The following ROBO1 variants were observed in gnomAD, a reference collection of about 807,000 sequenced individuals.
ROBO1 encodes roundabout homolog 1.
Under a neutral mutation model 195.9 loss-of-function variants are expected in ROBO1, and 149 were observed. That is an observed-to-expected ratio of 0.76 (90% CI 0.67 to 0.87). The LOEUF (loss-of-function observed/expected upper bound fraction) is 0.87. Ranked by LOEUF, ROBO1 falls within the 40% of genes least tolerant of loss-of-function variation. The pLI, the probability that ROBO1 is intolerant of heterozygous loss-of-function variation, is 0.00. For missense variants in ROBO1, 1,933 were observed against 2,068.3 expected (o/e 0.93, Z 1.27); for synonymous variants, 816 against 733.2 (o/e 1.11, Z -1.82).
At chr3:78,994,350 G>A (rs1406906903) in intron 3 of ROBO1, among the ~76,000 whole-genome samples, 2 of 152,100 alleles carry the variant, frequency 1.3e-5, no homozygotes, top group Non-Finnish European at 2.9e-5. Context: ...GGAAGCTGGA[G>A]CTATTAAAAA....
chr3:79,765,216 G>C (rs1166896847), intron 1 of ROBO1, among the ~76,000 whole-genome samples: 1 of 152,192 alleles, frequency 6.6e-6, no homozygotes, highest in Non-Finnish European at 1.5e-5. Flanking sequence ...AGATATGTGC[G>C]AAAAGGCTAA....
intron 2 of ROBO1, among the ~76,000 whole-genome samples, chr3:79,440,947 C>A (rs1217345569): frequency 6.6e-6 from 1 of 152,038 alleles, no homozygotes; most frequent in Non-Finnish European, 1.5e-5. Context: ...AGATGAATGA[C>A]CCAGTTTGCA....
rs1448707560 is a variant in ROBO1, at chr3:78,635,774, T to G, written c.3372A>C (p.Lys1124Asn). The change falls in exon 23 of 31, where the codon AAA becomes AAC. Residue 1124 changes from lysine to asparagine, a missense_variant and splice_region_variant. Coordinates refer to ENST00000464233, the MANE Select transcript of ROBO1 (RefSeq NM_002941.4). Reference sequence around the variant, plus strand: ...GGGAATACATGCAAGCCTCTTCACCTTTGTTCAGCTTGTTTTGCTCCACGA... The same window carrying G: ...GGGAATACATGCAAGCCTCTTCACCGTTGTTCAGCTTGTTTTGCTCCACGA... ...YNIVEQNKLN[K>N]DYRANDTVPP... is the part of the protein sequence containing the mutation. The G allele has an allele frequency of 6.2e-7, 1 of 1,613,052 alleles. No homozygotes were observed. Among genetic ancestry groups the G allele is most frequent in the Non-Finnish European group, 8.5e-7 (1 of 1,179,180 alleles).
At chr3:78,611,368 G>A (rs961242721) in intron 28 of ROBO1, among the ~76,000 whole-genome samples, 1 of 152,158 alleles carries the variant, frequency 6.6e-6, no homozygotes, top group East Asian at 1.9e-4. Context: ...GAAGAGAGAG[G>A]ATGGAAAGAA....
intron 2 of ROBO1, among the ~76,000 whole-genome samples, chr3:79,381,373 A>AGAAAAGAAAAG (rs1221999594): frequency 6.9e-5 from 8 of 115,446 alleles, no homozygotes; most frequent in African/African-American, 2.7e-4. Flanking sequence ...AAAAAAAAAA[A>AGAAAAGAAAAG]AAAAGAAAAG....
At chr3:79,719,994 C>T (rs1372170654) in intron 1 of ROBO1, among the ~76,000 whole-genome samples, 1 of 152,118 alleles carries the variant, frequency 6.6e-6, no homozygotes, top group Non-Finnish European at 1.5e-5. Flanking sequence ...CAAATGTGTA[C>T]TATAAAAATA....
At chr3:79,242,440 G>A (rs1450222514) in intron 2 of ROBO1, among the ~76,000 whole-genome samples, 2 of 151,998 alleles carry the variant, frequency 1.3e-5, no homozygotes, top group Admixed American at 1.3e-4. Flanking sequence ...GAAGCCATAG[G>A]GGCACAAGGA....
At chr3:78,995,813 T>C (rs1476956942) in intron 3 of ROBO1, among the ~76,000 whole-genome samples, 1 of 149,488 alleles carries the variant, frequency 6.7e-6, no homozygotes, top group Non-Finnish European at 1.5e-5. Context: ...TAAAAAAAAG[T>C]CCTTACTAGG....
intron 4 of ROBO1, among the ~76,000 whole-genome samples, chr3:78,849,227 C>T (rs978118690): frequency 1.3e-5 from 2 of 152,024 alleles, no homozygotes; most frequent in African/African-American, 2.4e-5. Flanking sequence ...TGGAGCAATG[C>T]TTTGAAATTA....
At chr3:79,760,704 A>C (rs1704654057) in intron 1 of ROBO1, among the ~76,000 whole-genome samples, 2 of 144,012 alleles carry the variant, frequency 1.4e-5, no homozygotes. Flanking sequence ...TGGCAAAATT[A>C]CAAAATGTGA....
At chr3:79,136,109 T>C (rs972167712) in intron 2 of ROBO1, among the ~76,000 whole-genome samples, 2 of 152,340 alleles carry the variant, frequency 1.3e-5, no homozygotes, top group Middle Eastern at 3.4e-3. Flanking sequence ...CAAAGACTCA[T>C]ATTTGCAGTA....
chr3:78,816,043 T>C (rs1482459978), intron 4 of ROBO1, among the ~76,000 whole-genome samples: 1 of 152,144 alleles, frequency 6.6e-6, no homozygotes, highest in African/African-American at 2.4e-5. Flanking sequence ...TTTTAAAAAG[T>C]TGCCATCCAA....
chr3:79,404,686 A>G (rs1428753544), intron 2 of ROBO1, among the ~76,000 whole-genome samples: 1 of 152,144 alleles, frequency 6.6e-6, no homozygotes, highest in African/African-American at 2.4e-5. Context: ...ATGGAAAGAG[A>G]CATAGGATGA....
chr3:79,609,492 C>T (rs1297240809), intron 1 of ROBO1, among the ~76,000 whole-genome samples: 2 of 151,828 alleles, frequency 1.3e-5, no homozygotes, highest in Non-Finnish European at 2.9e-5. Flanking sequence ...TTCAGAAATG[C>T]CACTTCTGGG....
At chr3:78,765,368 TA>T (rs1160744033) in intron 4 of ROBO1, among the ~76,000 whole-genome samples, 4 of 151,982 alleles carry the variant, frequency 2.6e-5, no homozygotes, top group Non-Finnish European at 5.9e-5. Flanking sequence ...AAATATTTTT[TA>T]AAAAAATATA....
At chr3:78,654,908 A>G (rs1706901333) in intron 18 of ROBO1, among the ~76,000 whole-genome samples, 1 of 152,194 alleles carries the variant, frequency 6.6e-6, no homozygotes, top group East Asian at 1.9e-4. Context: ...ACTTATTTCA[A>G]TGTTCATAAA....
chr3:78,894,476 A>G (rs192851027), intron 4 of ROBO1, among the ~76,000 whole-genome samples: 4 of 152,138 alleles, frequency 2.6e-5, no homozygotes, highest in East Asian at 3.9e-4. Flanking sequence ...AATCATATTT[A>G]TATGTTTAAT....
At chr3:79,697,372 A>G (rs1947478271) in intron 1 of ROBO1, among the ~76,000 whole-genome samples, 1 of 151,514 alleles carries the variant, frequency 6.6e-6, no homozygotes, top group African/African-American at 2.4e-5. Flanking sequence ...TTAGATACAT[A>G]CTTCACCCAT....
chr3:79,251,475 G>T (rs2082727554), intron 2 of ROBO1, among the ~76,000 whole-genome samples: 1 of 152,066 alleles, frequency 6.6e-6, no homozygotes, highest in African/African-American at 2.4e-5. Context: ...TGACCAGGCT[G>T]GGCGCTGTGG....
Sources: allele counts gnomAD v4.1 joint callset (sites outside exome capture counted in the v4.1 genomes callset), GRCh38; gene constraint gnomAD v4.1.1; transcripts MANE v1.5; gene names NCBI Gene and HGNC (gene_info 2026-07-23, HGNC 2026-07-21).